Variants in DMD observed in about 807,000 individuals in gnomAD.
DMD encodes the protein dystrophin, also known as mutant dystrophin.
Under a neutral mutation model 330.1 loss-of-function variants are expected in DMD, and 63 were observed. The observed-to-expected ratio is 0.19, with a 90% CI of 0.16 to 0.24. The LOEUF is 0.24. Ranked by LOEUF, DMD falls within the 10% of genes least tolerant of loss-of-function variation. The pLI, the probability that DMD is intolerant of heterozygous loss-of-function variation, is 1.00. For synonymous variants in DMD, 1,223 were observed against 959.8 expected (o/e 1.27, Z -5.07); for missense variants, 3,344 against 2,684.1 (o/e 1.25, Z -5.43).
At chrX:31,204,881 C>G (rs2043912032) in intron 66 of DMD, among the ~76,000 whole-genome samples, 1 of 112,231 alleles carries the variant, frequency 8.9e-6, no homozygotes. Context: ...CTCGGCCTCC[C>G]TAAGTGCTGG....
chrX:32,095,219 T>A lies in DMD; in HGVS notation c.6438+121697A>T, dbSNP rs2096497616. ...TCATCGTCCACTGCCTCGAGCTACTTCCATTTCCTCTATTCTTTCACTAGT... is the reference window on the plus strand; with the variant it reads ...TCATCGTCCACTGCCTCGAGCTACTACCATTTCCTCTATTCTTTCACTAGT... On this transcript the variant is annotated intron_variant, in intron 44 of 78. Coordinates refer to ENST00000357033, the MANE Select transcript of DMD (RefSeq NM_004006.3). Among the ~76,000 whole-genome samples the A allele has an allele frequency of 3.6e-5, 4 of 111,721 alleles. No homozygotes were observed. In the Admixed American group the frequency reaches 3.8e-4, roughly 11 times the overall value.
At chrX:33,306,985 G>A (rs1157430984) in intron 1 of DMD, among the ~76,000 whole-genome samples, 1 of 111,515 alleles carries the variant, frequency 9.0e-6, no homozygotes, top group Non-Finnish European at 1.9e-5. Context: ...TTGTTTTGAG[G>A]AGTATTGGAC....
rs760846045 is a variant in DMD, at chrX:32,614,903, C to G, written c.1332-450G>C. ...TTTTTTTTTTGACCACAGAATGTGG[C>G]ATAACTGACACCACACCAATTCCAA... On this transcript the variant is annotated intron_variant, in intron 11 of 78. Coordinates refer to ENST00000357033, the MANE Select transcript of DMD (RefSeq NM_004006.3). Among the ~76,000 whole-genome samples the G allele has an allele frequency of 2.7e-5, 3 of 110,124 alleles. No homozygotes were observed. The Admixed American group carries it at 2.9e-4, about 11-fold the overall frequency.
intron 1 of DMD, among the ~76,000 whole-genome samples, chrX:33,152,698 C>T (rs1039732296): frequency 1.8e-5 from 2 of 111,270 alleles, no homozygotes; most frequent in African/African-American, 6.5e-5. Flanking sequence ...CATTAAGACC[C>T]ATTGCTGTAA....
chrX:33,300,860 A>T (rs1206264303), intron 1 of DMD, among the ~76,000 whole-genome samples: 1 of 112,095 alleles, frequency 8.9e-6, no homozygotes, highest in Admixed American at 9.5e-5. Flanking sequence ...TCCCCAATGT[A>T]AACTTCTATA....
intron 1 of DMD, among the ~76,000 whole-genome samples, chrX:33,159,896 A>AT (rs2048691400): frequency 9.0e-6 from 1 of 111,543 alleles, no homozygotes; most frequent in Non-Finnish European, 1.9e-5. Context: ...AATACAATCA[A>AT]TTTTTTATCT....
chrX:32,417,964 A>G (rs1012687392), intron 29 of DMD, among the ~76,000 whole-genome samples: 13 of 110,588 alleles, frequency 1.2e-4, no homozygotes, highest in Non-Finnish European at 1.7e-4. Flanking sequence ...AAAAAAAAAA[A>G]AAAGAAAAAG....
intron 44 of DMD, among the ~76,000 whole-genome samples, chrX:32,027,076 C>T (rs909102580): frequency 1.8e-5 from 2 of 108,783 alleles, no homozygotes; most frequent in Non-Finnish European, 3.8e-5. Flanking sequence ...AGAGGGACCA[C>T]GAATTTTGAT....
chrX:32,646,607 T>C (rs187322472), intron 9 of DMD, among the ~76,000 whole-genome samples: 1 of 111,457 alleles, frequency 9.0e-6, no homozygotes, highest in Admixed American at 9.6e-5. Context: ...GGCTTTCCCC[T>C]GGTGTGTATG....
chrX:33,290,996 CA>C (rs2053502921), intron 1 of DMD, among the ~76,000 whole-genome samples: 1 of 110,931 alleles, frequency 9.0e-6, no homozygotes, highest in Non-Finnish European at 1.9e-5. Flanking sequence ...AACATCAATG[CA>C]AAAATCCTCA....
chrX:32,113,033 T>A (rs1297438769), intron 44 of DMD, among the ~76,000 whole-genome samples: 2 of 112,772 alleles, frequency 1.8e-5, no homozygotes, highest in African/African-American at 6.4e-5. Context: ...CGCAGCTAGT[T>A]AACAGCAGAG....
chrX:31,813,481 T>C (rs2092521744), intron 50 of DMD, among the ~76,000 whole-genome samples: 1 of 111,768 alleles, frequency 8.9e-6, no homozygotes, highest in African/African-American at 3.3e-5. Flanking sequence ...AAGAGCAGTT[T>C]CCCTGCACAT....
intron 50 of DMD, among the ~76,000 whole-genome samples, chrX:31,794,392 A>G (rs1372064566): frequency 7.2e-5 from 8 of 111,795 alleles, no homozygotes; most frequent in Non-Finnish European, 1.5e-4. Context: ...TTGCCAGTGT[A>G]AAAAATAACT....
intron 59 of DMD, among the ~76,000 whole-genome samples, chrX:31,460,848 C>T (rs2066485166): frequency 8.9e-6 from 1 of 111,785 alleles, no homozygotes; most frequent in Admixed American, 9.6e-5. Flanking sequence ...TCCCAAAGTG[C>T]TGGGATTACA....
At chrX:33,070,673 C>CTCTCTATATA (rs1192910156) in intron 1 of DMD, among the ~76,000 whole-genome samples, 1 of 35,656 alleles carries the variant, frequency 2.8e-5, no homozygotes, top group African/African-American at 1.3e-4. Flanking sequence ...CTCTCTCTCT[C>CTCTCTATATA]TATATATATA....
At chrX:31,736,267 T>A (rs1292962367) in intron 51 of DMD, among the ~76,000 whole-genome samples, 1 of 111,813 alleles carries the variant, frequency 8.9e-6, no homozygotes, top group African/African-American at 3.2e-5. Context: ...TTGGGGGAAA[T>A]CTGGCCTCAG....
At position 31,155,553 on chromosome X, in the gene DMD, G is replaced by C. The variant is rs1195096585; in HGVS notation, c.10554-8035C>G. 1.1e-4 allele frequency among the ~76,000 whole-genome samples: 12 copies of C among 111,952 alleles called. No homozygotes were observed. The Admixed American group carries it at 1.1e-3, about 11-fold the overall frequency. ...AATCATATCCACCAATCTAAATTCAGGCAAATGTAGTAAATCATACAGAAC... is the reference window on the plus strand; with the variant it reads ...AATCATATCCACCAATCTAAATTCACGCAAATGTAGTAAATCATACAGAAC... On this transcript the variant is annotated intron_variant, in intron 74 of 78. Transcript: ENST00000357033.
chrX:32,233,137 T>C (rs935038347), intron 43 of DMD, among the ~76,000 whole-genome samples: 2 of 112,283 alleles, frequency 1.8e-5, no homozygotes, highest in Middle Eastern at 4.6e-3. Flanking sequence ...TCTCTATCAA[T>C]GGGCAATTGA....
chrX:32,662,275 T>A (rs893386895), intron 9 of DMD, among the ~76,000 whole-genome samples: 1 of 111,488 alleles, frequency 9.0e-6, no homozygotes, highest in African/African-American at 3.2e-5. Flanking sequence ...ACTCCAAATA[T>A]GAAAGTACGG....
Sources: gnomAD v4.1 joint callset for allele counts (sites outside exome capture counted in the v4.1 genomes callset) on GRCh38, gnomAD v4.1.1 for gene constraint, MANE v1.5 for transcripts, NCBI Gene and HGNC (gene_info 2026-07-23, HGNC 2026-07-21) for gene names.